Variants in UVRAG observed in about 807,000 individuals in gnomAD.
UVRAG encodes UV radiation resistance associated.
UVRAG carries 19 observed loss-of-function variants against 78.0 expected under a neutral mutation model. The ratio of observed to expected loss-of-function variants is 0.24; its 90% CI spans 0.17 to 0.36. The LOEUF is 0.36. UVRAG is among the 10% of genes least tolerant of loss of function. The probability of loss-of-function intolerance (pLI) is 1.00; values close to 1 mark genes in which losing one functional copy is unlikely to be tolerated. For synonymous variants in UVRAG, 323 were observed against 324.6 expected, an observed-to-expected ratio of 1.00 and a Z score of 0.05; for missense variants, 740 against 853.8, an observed-to-expected ratio of 0.87 and a Z score of 1.66.
At chr11:76,104,499 A>G (rs1363668678) in intron 13 of UVRAG, among the ~76,000 whole-genome samples, 1 of 152,226 alleles carries the variant, frequency 6.6e-6, no homozygotes, top group Admixed American at 6.5e-5. Flanking sequence ...GATTCCTGGC[A>G]CATAACTAAT....
At chr11:75,934,665 T>G (rs973838020) in intron 6 of UVRAG, among the ~76,000 whole-genome samples, 1 of 152,004 alleles carries the variant, frequency 6.6e-6, no homozygotes, top group Admixed American at 6.6e-5. Flanking sequence ...AATAAAAAAT[T>G]TAAACAAATA....
At chr11:76,035,946 G>T (rs940676549) in intron 12 of UVRAG, among the ~76,000 whole-genome samples, 1 of 152,072 alleles carries the variant, frequency 6.6e-6, no homozygotes, top group Non-Finnish European at 1.5e-5. Flanking sequence ...GATTCATTAG[G>T]TATCCCTAGG....
chr11:76,141,095 C>T lies in UVRAG; in HGVS notation c.1782C>T (p.Ala594=). ...GAGAAGCCCTCTCCGGGCACCGGGC[C>T]ACAGTCAATGGCACTCTCCTACCCA... ...EQGEALSGHR[A]TVNGTLLPSE... is the part of the protein sequence containing the mutation. Residue 594 remains alanine (A), a synonymous_variant, in exon 15 of 15, where the codon GCC becomes GCT. Transcript: ENST00000356136. The T allele has an allele frequency of 6.2e-7, 1 of 1,614,192 alleles. No individual in the cohort carries two copies. Among genetic ancestry groups the T allele is most frequent in the South Asian group, 1.1e-5 (1 of 91,086 alleles).
intron 13 of UVRAG, among the ~76,000 whole-genome samples, chr11:76,095,870 C>CAAAAAAAAAA (rs747792893): frequency 6.5e-5 from 3 of 45,962 alleles, no homozygotes; most frequent in East Asian, 6.5e-4. Context: ...GACTCTGTCT[C>CAAAAAAAAAA]AAAAAAAAAA....
At position 75,950,671 on chromosome 11, in the gene UVRAG, G is replaced by C. The variant is rs188474122; in HGVS notation, c.594-10773G>C. On this transcript the variant is annotated intron_variant, in intron 6 of 14. Transcript: ENST00000356136. ...ACATTTTTACAGTCCCTCCAGCAAT[G>C]TTTGAAAAGTTCCAGTTGCTCTACC... Among the ~76,000 whole-genome samples the C allele has an allele frequency of 2.0e-5, 3 of 152,242 alleles. No individual in the cohort carries two copies. The East Asian group carries it at 5.8e-4, about 29-fold the overall frequency.
chr11:75,968,829 T>C (rs1487578990), intron 7 of UVRAG, among the ~76,000 whole-genome samples: 1 of 152,220 alleles, frequency 6.6e-6, no homozygotes, highest in African/African-American at 2.4e-5. Flanking sequence ...AAAAGATTGC[T>C]TCCTAAAGAT....
At chr11:75,942,189 C>T (rs1018036468) in intron 6 of UVRAG, 47 of 152,950 alleles carry the variant, frequency 3.1e-4, no homozygotes, top group African/African-American at 1.1e-3. Flanking sequence ...CTGCTTCATT[C>T]TAAGTTCTTG....
chr11:75,848,833 A>G (rs534531991), intron 1 of UVRAG, among the ~76,000 whole-genome samples: 6 of 152,140 alleles, frequency 3.9e-5, no homozygotes, highest in Non-Finnish European at 5.9e-5. Flanking sequence ...CCTTCTTTTG[A>G]GATATCTCCT....
At position 75,815,239 on chromosome 11, in the gene UVRAG, G is replaced by A; in HGVS notation, c.-169G>A. The A allele has an allele frequency of 2.2e-6, 1 of 450,284 alleles. No individual in the cohort carries two copies. The highest frequency in any genetic ancestry group is 3.9e-6 in the Non-Finnish European group (1 of 259,472). 27.9% of individuals were successfully genotyped at this position (450,284 alleles called of 1,614,324 possible). On this transcript the variant is annotated 5_prime_UTR_variant, in exon 1 of 15. Coordinates refer to ENST00000356136, the MANE Select transcript of UVRAG (RefSeq NM_003369.4). ...ATATGGCTCTTCCTTAGCCAGCGGCGGCAACGGCGGCAGCGGCGGCAGCGG... is the reference window on the plus strand; with the variant it reads ...ATATGGCTCTTCCTTAGCCAGCGGCAGCAACGGCGGCAGCGGCGGCAGCGG...
rs1045353359 is a variant in UVRAG, at chr11:76,143,925, G to A, written c.*2512G>A. 3.9e-5 allele frequency among the ~76,000 whole-genome samples: 6 copies of A among 152,218 alleles called. No individual in the cohort carries two copies. Among genetic ancestry groups the A allele is most frequent in the Non-Finnish European group, 1.5e-5 (1 of 68,034 alleles). ...GAACCCTTTCAGTTTTCTTACAGCT[G>A]AGACACTTTTAAACAGCGGGCAAAT... On this transcript the variant is annotated 3_prime_UTR_variant, in exon 15 of 15. Transcript: ENST00000356136.
intron 2 of UVRAG, among the ~76,000 whole-genome samples, chr11:75,861,536 CCTT>C (rs1182825534): frequency 9.9e-5 from 15 of 151,910 alleles, no homozygotes; most frequent in South Asian, 2.1e-4. Flanking sequence ...AAGGTTTTAT[CCTT>C]CTTTACTGAA....
intron 4 of UVRAG, among the ~76,000 whole-genome samples, chr11:75,887,773 G>T (rs532633968): frequency 8.6e-5 from 13 of 152,006 alleles, no homozygotes; most frequent in Admixed American, 6.5e-4. Flanking sequence ...TAGTAGAGAC[G>T]GGGTTTCGCC....
At chr11:75,919,794 A>G (rs527469585) in intron 6 of UVRAG, among the ~76,000 whole-genome samples, 10 of 152,102 alleles carry the variant, frequency 6.6e-5, no homozygotes, top group Non-Finnish European at 1.3e-4. Flanking sequence ...AAATGGTGAG[A>G]TGATTTGCCT....
At chr11:75,993,165 A>G (rs982819306) in intron 8 of UVRAG, among the ~76,000 whole-genome samples, 8 of 152,204 alleles carry the variant, frequency 5.3e-5, no homozygotes, top group Admixed American at 1.3e-4. Context: ...CATAGGAATT[A>G]ATTTGTGTAA....
chr11:75,927,474 GT>G (rs1158395057), intron 6 of UVRAG, among the ~76,000 whole-genome samples: 34 of 152,234 alleles, frequency 2.2e-4, no homozygotes, highest in African/African-American at 6.0e-4. Flanking sequence ...CTAGGCTCTT[GT>G]TATATACTGA....
intron 13 of UVRAG, among the ~76,000 whole-genome samples, chr11:76,068,006 G>T (rs577863395): frequency 3.3e-5 from 5 of 152,278 alleles, no homozygotes; most frequent in African/African-American, 1.2e-4. Flanking sequence ...AAGCTTCCTG[G>T]TGAAACTTAC....
chr11:75,870,757 T>G, intron 3 of UVRAG, among the ~76,000 whole-genome samples: 1 of 152,186 alleles, frequency 6.6e-6, no homozygotes, highest in East Asian at 1.9e-4. Context: ...ATAGTTTAAT[T>G]ACTTTTTATT....
rs184718945 is a variant in UVRAG at position 76,069,847 on chromosome 11, G to A, written c.1305+4059G>A. ...TTCTATATATTTCCATCCTTAAAGT[G>A]CACCAAATCAAAGAAGACGACATTC... is the stretch of plus-strand genomic sequence containing the variant. On this transcript the variant is annotated intron_variant, in intron 13 of 14. Coordinates refer to ENST00000356136, the MANE Select transcript of UVRAG (RefSeq NM_003369.4). Among the ~76,000 whole-genome samples, 31 of 152,090 alleles carry A rather than the reference G, an allele frequency of 2.0e-4. No individual in the cohort carries two copies. In the East Asian group the frequency reaches 5.6e-3, roughly 27 times the overall value.
intron 6 of UVRAG, among the ~76,000 whole-genome samples, chr11:75,928,871 A>G (rs1236144719): frequency 2.1e-5 from 3 of 144,500 alleles, no homozygotes; most frequent in African/African-American, 7.6e-5. Context: ...GAACCCGGGA[A>G]GCAGAGCTTG....
Sources: allele counts gnomAD v4.1 joint callset (sites outside exome capture counted in the v4.1 genomes callset), GRCh38; gene constraint gnomAD v4.1.1; transcripts MANE v1.5; gene names NCBI Gene and HGNC (gene_info 2026-07-23, HGNC 2026-07-21).